Variants in TEP1 observed in about 807,000 individuals in gnomAD.
TEP1 encodes the protein telomerase associated protein 1, also known as telomerase protein component 1.
Under a neutral mutation model 306.3 loss-of-function variants are expected in TEP1, and 241 were observed. The ratio of observed to expected loss-of-function variants is 0.79; its 90% CI spans 0.71 to 0.88. The LOEUF is 0.88. Among genes scored for constraint, TEP1 ranks in the 40% least tolerant of loss-of-function variants. The pLI is 0.00. For synonymous variants in TEP1, 1,289 were observed against 1,305.5 expected (o/e 0.99, Z 0.27); for missense variants, 3,051 against 3,276.1 (o/e 0.93, Z 1.68).
chr14:20,382,479 G>A, intron 28 of TEP1, 123 bp from the exon 29 acceptor site: 1 of 1,533,732 alleles, frequency 6.5e-7, no homozygotes, highest in Non-Finnish European at 8.9e-7. Context: ...AACAACAGTA[G>A]GAGGGAAGTG....
In TEP1 at chr14:20,373,721, T is replaced by G. The variant is rs1885000876; in HGVS notation, c.6561A>C (p.Ser2187=). 1 of 1,614,108 alleles carries G rather than the reference T, an allele frequency of 6.2e-7. No individual in the cohort carries two copies. Among genetic ancestry groups the G allele is most frequent in the African/African-American group, 1.3e-5 (1 of 74,948 alleles). Residue 2187 remains serine (S), a synonymous_variant, in exon 45 of 55, where the codon TCA becomes TCC. Coordinates refer to ENST00000262715, the MANE Select transcript of TEP1 (RefSeq NM_007110.5). The stretch of plus-strand genomic sequence containing the variant: ...CAGCTGCACAGTGGCTAATGGGTCC[T>G]GAGTGAGCAGGGATGCTGGTCAGCT... ...GVELTSIPAH[S]GPISHCAAAM... is the part of the protein sequence containing the mutation.
At chr14:20,373,438 G>A (rs372313734) in intron 46 of TEP1, 36 bp from the exon 47 acceptor site, 5 of 1,613,994 alleles carry the variant, frequency 3.1e-6, no homozygotes, top group Non-Finnish European at 4.2e-6. Flanking sequence ...TCATGAGAGT[G>A]GGCACAACAG....
rs747699766 is a variant in TEP1, at chr14:20,386,134, A to G, written c.2923T>C (p.Ser975Pro). 14 of 1,613,314 alleles carry G rather than the reference A, an allele frequency of 8.7e-6. No homozygotes were observed. The East Asian group carries it at 3.1e-4, about 36-fold the overall frequency. ...CTGGGGGGAATGTATCCATAACGGG[A>G]GCCCAGAATCCCCACAAACAGCTGT... ...NAQLFVGILG[S>P]RYGYIPPSYN... Residue 975 changes from serine (S) to proline (P), a missense_variant, in exon 20 of 55, where the codon TCC (serine) becomes CCC (proline). By Grantham distance (74) the Ser-to-Pro change is moderately conservative. Around this residue, in one of 3 missense-constraint regions of TEP1, gnomAD observed 1,507 missense variants for 1,550.5 expected, o/e 0.97. Coordinates refer to ENST00000262715, the MANE Select transcript of TEP1 (RefSeq NM_007110.5).
chr14:20,410,041 AAAAAAAAAAAAAAAAT>A (rs980789747), intron 1 of TEP1, among the ~76,000 whole-genome samples: 8 of 128,596 alleles, frequency 6.2e-5, no homozygotes, highest in African/African-American at 2.3e-4. Context: ...AAAAAAAAAA[AAAAAAAAAAAAAAAAT>A]GCCTACCTCA....
At chr14:20,376,990 TG>T (rs1885211654) in intron 41 of TEP1, among the ~76,000 whole-genome samples, 1 of 151,964 alleles carries the variant, frequency 6.6e-6, no homozygotes, top group South Asian at 2.1e-4. Context: ...CCGAGGTGGG[TG>T]GATCACCTAT....
Position 20,383,454 on chromosome 14 carries a change from T to G in TEP1, c.3867+34A>C, listed in dbSNP as rs368691183. On this transcript the variant is annotated intron_variant, in intron 26 of 54. Coordinates refer to ENST00000262715, the MANE Select transcript of TEP1 (RefSeq NM_007110.5). The stretch of plus-strand genomic sequence containing the variant: ...GCCGTATCCCTCCTTCTCCCCAGCC[T>G]GCCTCCCGACACCCACCTCCTTCTC... The G allele has an allele frequency of 2.0e-4, 330 of 1,613,710 alleles. 1 individual carries two copies. The highest frequency in any genetic ancestry group is 2.0e-3 in the Middle Eastern group (12 of 6,058).
chr14:20,383,430 C>T, intron 26 of TEP1, 58 bp downstream of exon 26: 1 of 1,611,568 alleles, frequency 6.2e-7, no homozygotes, highest in Non-Finnish European at 8.5e-7. Context: ...CTCCTCCGTG[C>T]CGTATCCCTC....
At position 20,386,436 on chromosome 14, in the gene TEP1, AGC is replaced by A. The variant is rs1491437507; in HGVS notation, c.2861+9_2861+10del. The A allele has an allele frequency of 5.7e-6, 9 of 1,589,728 alleles. No homozygotes were observed. The highest frequency in any genetic ancestry group is 7.7e-6 in the Non-Finnish European group (9 of 1,166,434). On this transcript the variant is annotated intron_variant, in intron 19 of 54. Coordinates refer to ENST00000262715, the MANE Select transcript of TEP1 (RefSeq NM_007110.5). ...CCCCGACCCAGCCCCTCTTCTCTGC[AGC>A]CCCCACACCTGTTCCTACGGGTCTC...
rs1566465098 is a variant in TEP1 at position 20,389,605 on chromosome 14, C to T, written c.2465+5G>A. 1 of 1,613,964 alleles carries T rather than the reference C, an allele frequency of 6.2e-7. No homozygotes were observed. Among genetic ancestry groups the T allele is most frequent in the Non-Finnish European group, 8.5e-7 (1 of 1,179,912 alleles). On this transcript the variant is annotated splice_donor_5th_base_variant and intron_variant, in intron 16 of 54. Transcript: ENST00000262715. ...ACACTGGGCAGGAAGTATAAGCACC[C>T]TTACAGGTATTGTACCCTTCTTAGG...
In TEP1 at chr14:20,381,080, A is replaced by G; in HGVS notation, c.4648-35T>C. The G allele has an allele frequency of 6.4e-7, 1 of 1,562,310 alleles. No homozygotes were observed. Among genetic ancestry groups the G allele is most frequent in the Non-Finnish European group, 8.8e-7 (1 of 1,133,072 alleles). On this transcript the variant is annotated intron_variant, in intron 32 of 54. Coordinates refer to ENST00000262715, the MANE Select transcript of TEP1 (RefSeq NM_007110.5). The surrounding 1 kb of genome is among the most constrained non-coding windows in gnomAD (Gnocchi z 4.0). ...TCAGATTGAATTCATTAGGGATATG[A>G]AGGGGCTGGTGAGAAGGGACAGTTT...
intron 49 of TEP1, among the ~76,000 whole-genome samples, chr14:20,372,173 GAGCTGGCTATACCC>G (rs764549133): frequency 4.6e-5 from 7 of 151,944 alleles, no homozygotes; most frequent in Non-Finnish European, 8.8e-5. Context: ...GGAATCCAAG[GAGCTGGCTATACCC>G]AGAATATACT....
chr14:20,384,654 C>T lies in TEP1; in HGVS notation c.3167G>A (p.Arg1056Gln), dbSNP rs376298596. 50 of 1,613,894 alleles carry T rather than the reference C, an allele frequency of 3.1e-5. No homozygotes were observed. In the African/African-American group the frequency reaches 4.1e-4, roughly 13 times the overall value. The change falls in exon 22 of 55, where the codon CGG (arginine) becomes CAG (glutamine). Residue 1056 changes from arginine (R) to glutamine (Q), a missense_variant. By Grantham distance (43) the Arg-to-Gln change is conservative. Around this residue, in one of 3 missense-constraint regions of TEP1, gnomAD observed 1,507 missense variants for 1,550.5 expected, o/e 0.97. Transcript: ENST00000262715. ...FVSESEEAARRISELKSYLSR... is the reference protein window; with the variant it reads ...FVSESEEAARQISELKSYLSR... ...TAGGTAGCTCTTCAGTTCTGAGATC[C>T]GACGTGCGGCCTCTTCAGACTCAGA...
intron 9 of TEP1, 127 bp from the exon 10 acceptor site, chr14:20,396,857 T>C (rs1878248437): frequency 3.6e-6 from 2 of 555,712 alleles, no homozygotes. Flanking sequence ...ACCCAGGAAT[T>C]AGAGTCCAGC....
chr14:20,391,498 A>G (rs1003756490), intron 13 of TEP1, 101 bp downstream of exon 13: 4 of 1,314,676 alleles, frequency 3.0e-6, no homozygotes, highest in Non-Finnish European at 4.2e-6. Context: ...TTTCAGTCTG[A>G]GTGTTTGCCT....
Position 20,403,456 on chromosome 14 carries a change from G to C in TEP1, c.1195-8C>G, listed in dbSNP as rs1878920049. On this transcript the variant is annotated splice_region_variant and splice_polypyrimidine_tract_variant and intron_variant, in intron 6 of 54. Transcript: ENST00000262715. ...AAATGGAGGCTCCATCCCCTGTAGG[G>C]ACAGGAGAAGCAATTTCAAAAAAAG... 2 of 1,613,940 alleles carry C rather than the reference G, an allele frequency of 1.2e-6. No homozygotes were observed. The highest frequency in any genetic ancestry group is 1.7e-6 in the Non-Finnish European group (2 of 1,179,974).
intron 15 of TEP1, 66 bp downstream of exon 15, chr14:20,390,610 AGAAAT>A: frequency 6.7e-7 from 1 of 1,483,944 alleles, no homozygotes; most frequent in Non-Finnish European, 9.4e-7. Context: ...CTAAAGGTCA[AGAAAT>A]GAAATATATC....
intron 1 of TEP1, among the ~76,000 whole-genome samples, chr14:20,412,680 CTTTT>C (rs10717377): frequency 2.8e-5 from 3 of 105,386 alleles, no homozygotes; most frequent in African/African-American, 7.0e-5. Context: ...TCACTCTTTC[CTTTT>C]TTTTTTTTTT....
At position 20,395,602 on chromosome 14, in the gene TEP1, T is replaced by C; in HGVS notation, c.1776A>G (p.Thr592=). Reference sequence around the variant, plus strand: ...TTCTAGTTAGTATCCGCCTCATCAGTGTTATATTCGAAGGAAAGGGCAATG... The same window carrying C: ...TTCTAGTTAGTATCCGCCTCATCAGCGTTATATTCGAAGGAAAGGGCAATG... ...NQALPFPSNI[T]LMRRILTRNE... Residue 592 remains threonine (T), a synonymous_variant, in exon 12 of 55, where the codon ACA becomes ACG. Coordinates refer to ENST00000262715, the MANE Select transcript of TEP1 (RefSeq NM_007110.5). 6.2e-7 allele frequency: 1 copy of C among 1,603,412 alleles called. No homozygotes were observed. Among genetic ancestry groups the C allele is most frequent in the Non-Finnish European group, 8.5e-7 (1 of 1,171,094 alleles).
chr14:20,384,643 G>C lies in TEP1; in HGVS notation c.3178C>G (p.Leu1060Val), dbSNP rs1876959293. Residue 1060 changes from leucine to valine, a missense_variant, in exon 22 of 55, where the codon CTG (leucine) becomes GTG (valine). Transcript: ENST00000262715. ...SEEAARRISELKSYLSRQKGI... is the reference protein window; with the variant it reads ...SEEAARRISEVKSYLSRQKGI... ...TTCTGTCTGCTTAGGTAGCTCTTCAGTTCTGAGATCCGACGTGCGGCCTCT... is the reference window on the plus strand; with the variant it reads ...TTCTGTCTGCTTAGGTAGCTCTTCACTTCTGAGATCCGACGTGCGGCCTCT... 1 of 1,613,910 alleles carries C rather than the reference G, an allele frequency of 6.2e-7. No homozygotes were observed. The highest frequency in any genetic ancestry group is 8.5e-7 in the Non-Finnish European group (1 of 1,180,048).
Sources: allele counts gnomAD v4.1 joint callset (sites outside exome capture counted in the v4.1 genomes callset), GRCh38; gene constraint gnomAD v4.1.1; regional missense constraint gnomAD v4.1.1; non-coding constraint Gnocchi (gnomAD v3.1); transcripts MANE v1.5; gene names NCBI Gene and HGNC (gene_info 2026-07-23, HGNC 2026-07-21).